The following SPRED2 variants were observed in gnomAD, a reference collection of about 807,000 sequenced individuals.
The protein encoded by SPRED2 is sprouty related EVH1 domain containing 2.
A neutral mutation model predicts 43.0 loss-of-function variants in SPRED2; 47 were observed. The observed-to-expected ratio is 1.09, with a 90% CI of 0.87 to 1.40. The LOEUF (loss-of-function observed/expected upper bound fraction) is 1.40, where lower values mean the gene tolerates loss of function less well. Ranked by LOEUF, SPRED2 falls within the 40% of genes most tolerant of loss-of-function variation. SPRED2 has a pLI of 0.00. For missense variants in SPRED2, 561 were observed against 586.4 expected (o/e 0.96, Z 0.45); for synonymous variants, 225 against 225.7 (o/e 1.00, Z 0.03).
chr2:65,323,824 C>T (rs185792176), intron 4 of SPRED2, among the ~76,000 whole-genome samples: 2 of 151,904 alleles, frequency 1.3e-5, no homozygotes, highest in Admixed American at 6.6e-5. Context: ...TGCAGTGAGC[C>T]GAGATCGCGC....
At chr2:65,413,925 A>C (rs1356656915) in intron 1 of SPRED2, among the ~76,000 whole-genome samples, 2 of 152,250 alleles carry the variant, frequency 1.3e-5, no homozygotes, top group African/African-American at 4.8e-5. Context: ...ATAAATTTTC[A>C]ACAATCAAGA....
At chr2:65,356,557 T>TTGTG (rs72469383) in intron 1 of SPRED2, among the ~76,000 whole-genome samples, 48 of 122,644 alleles carry the variant, frequency 3.9e-4, no homozygotes, top group African/African-American at 1.5e-3. Context: ...TTTTTTTTTT[T>TTGTG]TGTGTGTGTG....
At chr2:65,331,811 A>G (rs1673819478) in intron 4 of SPRED2, among the ~76,000 whole-genome samples, 176 bp downstream of exon 4, 1 of 152,226 alleles carries the variant, frequency 6.6e-6, no homozygotes, top group African/African-American at 2.4e-5. Flanking sequence ...CTGCAGCGTG[A>G]GCAACAGGGA....
chr2:65,409,633 C>A (rs916897926), intron 1 of SPRED2, among the ~76,000 whole-genome samples: 14 of 117,222 alleles, frequency 1.2e-4, no homozygotes, highest in Non-Finnish European at 1.5e-4. Context: ...CTTCTAGTAA[C>A]AAGAATTTTG....
At chr2:65,322,272 A>G (rs11692249) in intron 4 of SPRED2, among the ~76,000 whole-genome samples, 2 of 37,936 alleles carry the variant, frequency 5.3e-5, no homozygotes, top group African/African-American at 2.9e-4. Flanking sequence ...CTCTCTCTCT[A>G]TATATATATA....
chr2:65,348,170 A>G (rs979582093), intron 1 of SPRED2, among the ~76,000 whole-genome samples: 3 of 151,614 alleles, frequency 2.0e-5, no homozygotes, highest in African/African-American at 7.3e-5. Context: ...TTCAAATCCT[A>G]CTCCTCACAT....
intron 4 of SPRED2, among the ~76,000 whole-genome samples, chr2:65,322,919 C>A (rs1673474371): frequency 6.6e-6 from 1 of 152,186 alleles, no homozygotes; most frequent in African/African-American, 2.4e-5. Context: ...GCTTTTCCAA[C>A]ATAAACCTTC....
intron 1 of SPRED2, among the ~76,000 whole-genome samples, chr2:65,409,268 A>G (rs953953814): frequency 6.6e-6 from 1 of 152,216 alleles, no homozygotes; most frequent in African/African-American, 2.4e-5. Flanking sequence ...GAGCACATGA[A>G]AATGGAGATG....
At chr2:65,360,335 C>T (rs562650180) in intron 1 of SPRED2, among the ~76,000 whole-genome samples, 8 of 152,330 alleles carry the variant, frequency 5.3e-5, no homozygotes, top group African/African-American at 1.9e-4. Context: ...CTGAAAGCAT[C>T]CTGGATATGC....
At chr2:65,309,083 G>A (rs1276751630), downstream of SPRED2, among the ~76,000 whole-genome samples, 5 of 151,600 alleles carry the variant, frequency 3.3e-5, no homozygotes, top group Non-Finnish European at 7.4e-5. Context: ...TAGAACCCGG[G>A]AGGCGAAGGG....
At chr2:65,318,242 T>A (rs1572831899) in intron 4 of SPRED2, among the ~76,000 whole-genome samples, 1 of 152,176 alleles carries the variant, frequency 6.6e-6, no homozygotes, top group Admixed American at 6.5e-5. Flanking sequence ...TCCCCAGCCA[T>A]GCGGAACTGT....
In SPRED2 at chr2:65,366,114, T is replaced by C. The variant is rs556425221; in HGVS notation, c.27-21218A>G. On this transcript the variant is annotated intron_variant, in intron 1 of 5. Coordinates refer to ENST00000356388, the MANE Select transcript of SPRED2 (RefSeq NM_181784.3). ...CTTTCTTGCATTAAGTCACGCATCATGGGGGTAGGAAAAAAGCACAGTACT... is the reference window on the plus strand; with the variant it reads ...CTTTCTTGCATTAAGTCACGCATCACGGGGGTAGGAAAAAAGCACAGTACT... 3.1e-4 allele frequency among the ~76,000 whole-genome samples: 47 copies of C among 152,236 alleles called. No homozygotes were observed. The South Asian group carries it at 9.3e-3, about 30-fold the overall frequency.
Position 65,344,778 on chromosome 2 carries a change from G to A in SPRED2, c.145C>T (p.Pro49Ser), listed in dbSNP as rs758755344. The A allele has an allele frequency of 6.2e-7, 1 of 1,614,096 alleles. No homozygotes were observed. Among genetic ancestry groups the A allele is most frequent in the Non-Finnish European group, 8.5e-7 (1 of 1,180,010 alleles). The part of the protein sequence containing the change: ...SRVGVCKVMH[P>S]EGNGRSGFLI... ...AAGCCGCTTCGTCCATTGCCTTCGG[G>A]GTGCATGACCTTACAGACCCCGACG... The change falls in exon 2 of 6, where the codon CCC (proline) becomes TCC (serine). Residue 49 changes from proline (P) to serine (S), a missense_variant. Physicochemically the swap from Pro to Ser is moderately conservative, Grantham distance 74. Around this residue, in one of 6 missense-constraint regions of SPRED2, gnomAD observed 305 missense variants for 282.4 expected, o/e 1.08. Coordinates refer to ENST00000356388, the MANE Select transcript of SPRED2 (RefSeq NM_181784.3).
At chr2:65,401,113 G>A (rs989966338) in intron 1 of SPRED2, among the ~76,000 whole-genome samples, 270 of 151,392 alleles carry the variant, frequency 1.8e-3, no homozygotes, top group Non-Finnish European at 1.5e-3. Context: ...AACTACAGAC[G>A]TACCACACCA....
intron 2 of SPRED2, 57 bp from the exon 3 acceptor site, chr2:65,334,830 G>C (rs1165410313): frequency 6.3e-7 from 1 of 1,578,310 alleles, no homozygotes; most frequent in Non-Finnish European, 8.7e-7. Flanking sequence ...ATGATGTCTG[G>C]TTACAGAAGT....
At chr2:65,358,833 A>T (rs1469465111) in intron 1 of SPRED2, among the ~76,000 whole-genome samples, 1 of 152,210 alleles carries the variant, frequency 6.6e-6, no homozygotes, top group East Asian at 1.9e-4. Flanking sequence ...AGTCTCCTTG[A>T]CAAGAAGCCT....
intron 3 of SPRED2, 80 bp downstream of exon 3, chr2:65,334,525 A>G: frequency 1.3e-6 from 2 of 1,539,646 alleles, no homozygotes; most frequent in South Asian, 1.2e-5. Context: ...CCACAAATAA[A>G]TGATGGCAGA....
At chr2:65,340,613 C>G (rs1330218929) in intron 2 of SPRED2, among the ~76,000 whole-genome samples, 1 of 152,214 alleles carries the variant, frequency 6.6e-6, no homozygotes, top group East Asian at 1.9e-4. Context: ...TATAATTTCT[C>G]AGGCTTGACT....
At chr2:65,421,952 CTG>C (rs1676434054) in intron 1 of SPRED2, among the ~76,000 whole-genome samples, 3 of 152,128 alleles carry the variant, frequency 2.0e-5, no homozygotes, top group African/African-American at 7.2e-5. Flanking sequence ...ACAAATCCTG[CTG>C]TGTGTGTGAG....
Sources: gnomAD v4.1 joint callset for allele counts (sites outside exome capture counted in the v4.1 genomes callset) on GRCh38, gnomAD v4.1.1 for gene constraint, gnomAD v4.1.1 regional missense constraint, MANE v1.5 for transcripts, NCBI Gene and HGNC (gene_info 2026-07-23, HGNC 2026-07-21) for gene names.